ANKRD46: variants seen among roughly 807,000 people sequenced by gnomAD.
ANKRD46 encodes the protein ankyrin repeat domain 46.
In ANKRD46, 13 loss-of-function variants were observed where a neutral mutation model predicts 19.8. The ratio of observed to expected loss-of-function variants is 0.66; its 90% confidence interval spans 0.43 to 1.04. The LOEUF is 1.04. Ranked by LOEUF, ANKRD46 falls within the 50% of genes least tolerant of loss-of-function variation. The pLI is 0.00. For missense variants in ANKRD46, 185 were observed against 274.8 expected, an observed-to-expected ratio of 0.67 and a Z score of 2.31; for synonymous variants, 91 against 106.9, an observed-to-expected ratio of 0.85 and a Z score of 0.92.
rs1812231896 is a variant in ANKRD46, at chr8:100,544,368, TA to T, written c.-130-11058del. On this transcript the variant is annotated intron_variant, in intron 1 of 4. Coordinates refer to ENST00000335659, the MANE Select transcript of ANKRD46 (RefSeq NM_001270377.2). This position sits in a 1 kb window ranked among gnomAD's most constrained non-coding sequence, Gnocchi z 4.4. The stretch of plus-strand genomic sequence containing the variant: ...GGGGCCTAGCAATTGGAGAAAAGAC[TA>T]TAATCAACATCTAGAAAGAAGTGAG... Among the ~76,000 whole-genome samples the T allele has an allele frequency of 6.6e-6, 1 of 152,154 alleles. No homozygotes were observed. Among genetic ancestry groups the T allele is most frequent in the African/African-American group, 2.4e-5 (1 of 41,394 alleles).
chr8:100,553,328 T>G (rs987699964), intron 1 of ANKRD46, among the ~76,000 whole-genome samples: 10 of 152,164 alleles, frequency 6.6e-5, no homozygotes, highest in African/African-American at 2.4e-4. Flanking sequence ...AGATTTAAAT[T>G]AACGTAGCAG....
chr8:100,514,764 C>A (rs927472128), intron 5 of ANKRD46, among the ~76,000 whole-genome samples: 7 of 151,830 alleles, frequency 4.6e-5, no homozygotes, highest in Non-Finnish European at 8.8e-5. Flanking sequence ...CTCAGCCTCC[C>A]AAGTAGCTGG....
chr8:100,511,161 T>C lies in ANKRD46; in HGVS notation c.637-522A>G, dbSNP rs915113311. The stretch of plus-strand genomic sequence containing the variant: ...ATCGCAGCTGATCCCCTGGTTAGCA[T>C]TACTATTCCCATGTAACAGATGAGC... On this transcript the variant is annotated intron_variant, in intron 5 of 5. Transcript: ENST00000520552. This position sits in a 1 kb window ranked among gnomAD's most constrained non-coding sequence, Gnocchi z 4.1. 6.6e-6 allele frequency among the ~76,000 whole-genome samples: 1 copy of C among 152,170 alleles called. No homozygotes were observed. Among genetic ancestry groups the C allele is most frequent in the African/African-American group, 2.4e-5 (1 of 41,436 alleles).
At chr8:100,548,751 T>A (rs1400954552) in intron 1 of ANKRD46, among the ~76,000 whole-genome samples, 1 of 152,198 alleles carries the variant, frequency 6.6e-6, no homozygotes. Flanking sequence ...AGGCATTCAC[T>A]GAAGGTGGAC....
In ANKRD46 at chr8:100,537,049, A is replaced by G. The variant is rs1451373739; in HGVS notation, c.-130-3738T>C. 6.6e-6 allele frequency among the ~76,000 whole-genome samples: 1 copy of G among 152,206 alleles called. No individual in the cohort carries two copies. Among genetic ancestry groups the G allele is most frequent in the African/African-American group, 2.4e-5 (1 of 41,454 alleles). Reference sequence around the variant, plus strand: ...TTTGATGGAAGCTTGTGATTCACTGACTTGATGAAAAGTCATGCCTAATTT... The same window carrying G: ...TTTGATGGAAGCTTGTGATTCACTGGCTTGATGAAAAGTCATGCCTAATTT... On this transcript the variant is annotated intron_variant, in intron 1 of 4. Transcript: ENST00000335659. This position sits in a 1 kb window ranked among gnomAD's most constrained non-coding sequence, Gnocchi z 4.2.
chr8:100,540,449 T>C (rs1391752822), intron 1 of ANKRD46, among the ~76,000 whole-genome samples: 2 of 152,176 alleles, frequency 1.3e-5, no homozygotes. Context: ...CTCATAAAAA[T>C]AAGTTTTTAA....
At chr8:100,516,670 C>A (rs906807483), downstream of ANKRD46, among the ~76,000 whole-genome samples, 1 of 152,222 alleles carries the variant, frequency 6.6e-6, no homozygotes, top group Admixed American at 6.5e-5. Flanking sequence ...TAGCATTAAG[C>A]TTTTCAGCAT....
intron 1 of ANKRD46, among the ~76,000 whole-genome samples, chr8:100,552,309 C>T (rs1402346846): frequency 6.6e-6 from 1 of 151,666 alleles, no homozygotes; most frequent in Admixed American, 6.6e-5. Context: ...CAGCTACAGC[C>T]TCACTCATTA....
rs200008773 is a variant in ANKRD46 at position 100,529,843 on chromosome 8, G to A, written c.-10C>T. 127 of 1,611,698 alleles carry A rather than the reference G, an allele frequency of 7.9e-5. No individual in the cohort carries two copies. Among genetic ancestry groups the A allele is most frequent in the Non-Finnish European group, 1.0e-4 (121 of 1,178,256 alleles). The stretch of plus-strand genomic sequence containing the variant: ...CAAAAACATACGACATTGTTCTGAT[G>A]TGGTGGATGGAACACGCCTGTAATG... On this transcript the variant is annotated 5_prime_UTR_variant, in exon 3 of 5. Coordinates refer to ENST00000335659, the MANE Select transcript of ANKRD46 (RefSeq NM_001270377.2). This position sits in a 1 kb window ranked among gnomAD's most constrained non-coding sequence, Gnocchi z 5.8.
rs551008755 is a variant in ANKRD46 at position 100,522,348 on chromosome 8, T to C, written c.*207A>G. On this transcript the variant is annotated 3_prime_UTR_variant, in exon 5 of 5. Transcript: ENST00000335659. ...CTACAAAGTCAGGTTGAGTCAGAGG[T>C]AGCGTTAGGATGCAATATACTTGAT... 1,257 of 1,381,470 alleles carry C rather than the reference T, an allele frequency of 9.1e-4. 5 individuals are homozygous for C. Among genetic ancestry groups the C allele is most frequent in the Middle Eastern group, 2.7e-3 (10 of 3,670 alleles). The allele number at this position is 1,381,470 out of a possible 1,614,324, so 85.6% of individuals were successfully genotyped here.
At chr8:100,539,098 T>C (rs1812122972) in intron 1 of ANKRD46, among the ~76,000 whole-genome samples, 1 of 152,204 alleles carries the variant, frequency 6.6e-6, no homozygotes, top group South Asian at 2.1e-4. Context: ...GTGACGTCAA[T>C]CTTGATGCAA....
In ANKRD46 at chr8:100,521,662, T is replaced by C; in HGVS notation, c.*893A>G. 1.0e-6 allele frequency: 1 copy of C among 985,426 alleles called. No homozygotes were observed. Among genetic ancestry groups the C allele is most frequent in the Non-Finnish European group, 1.2e-6 (1 of 829,910 alleles). 61.0% of individuals were successfully genotyped at this position (985,426 alleles called of 1,614,324 possible). On this transcript the variant is annotated 3_prime_UTR_variant, in exon 5 of 5. Transcript: ENST00000335659. ...CACATGAAATAATTATGAACTATGA[T>C]AAAACTGTGACAACACAGCTAGCTT...
At position 100,531,812 on chromosome 8, in the gene ANKRD46, A is replaced by C. The variant is rs555233442; in HGVS notation, c.-28+1397T>G. On this transcript the variant is annotated intron_variant, in intron 2 of 4. Coordinates refer to ENST00000335659, the MANE Select transcript of ANKRD46 (RefSeq NM_001270377.2). ...TTTCAATGAGTCCAGCCCACTGAAGAATTTTAAGTCAAAGAAATGGCACAG... is the reference window on the plus strand; with the variant it reads ...TTTCAATGAGTCCAGCCCACTGAAGCATTTTAAGTCAAAGAAATGGCACAG... 4.6e-5 allele frequency among the ~76,000 whole-genome samples: 7 copies of C among 152,176 alleles called. 1 individual carries two copies. Among genetic ancestry groups the C allele is most frequent in the Admixed American group, 2.0e-4 (3 of 15,284 alleles).
Position 100,522,295 on chromosome 8 carries a change from T to A in ANKRD46, c.*260A>T. 1 of 1,269,674 alleles carries A rather than the reference T, an allele frequency of 7.9e-7. No individual in the cohort carries two copies. 78.7% of individuals were successfully genotyped at this position (1,269,674 alleles called of 1,614,324 possible). On this transcript the variant is annotated 3_prime_UTR_variant, in exon 5 of 5. Coordinates refer to ENST00000335659, the MANE Select transcript of ANKRD46 (RefSeq NM_001270377.2). ...CATTCTCTAGTCACTTCCGTGTTTTTATCAAACAAGGCTACGTGTAGGCTT... is the reference window on the plus strand; with the variant it reads ...CATTCTCTAGTCACTTCCGTGTTTTAATCAAACAAGGCTACGTGTAGGCTT...
chr8:100,556,964 C>T (rs953082243), intron 1 of ANKRD46: 1 of 152,138 alleles, frequency 6.6e-6, no homozygotes, highest in African/African-American at 2.4e-5. Flanking sequence ...TTAAATACTA[C>T]CCTTCTGTGC....
At chr8:100,517,579 G>T (rs1218323796), downstream of ANKRD46, among the ~76,000 whole-genome samples, 1 of 152,182 alleles carries the variant, frequency 6.6e-6, no homozygotes, top group African/African-American at 2.4e-5. Context: ...TATGCCTCTG[G>T]CTATGGAGCA....
Position 100,537,589 on chromosome 8 carries a change from T to C in ANKRD46, c.-130-4278A>G, listed in dbSNP as rs888197072. 6.6e-6 allele frequency among the ~76,000 whole-genome samples: 1 copy of C among 152,178 alleles called. No individual in the cohort carries two copies. The highest frequency in any genetic ancestry group is 2.4e-5 in the African/African-American group (1 of 41,436). ...AGAACTATAAAACAAAAATTTCCAA[T>C]GAAGTCATTAAATCCTAACTGCTAG... is the stretch of plus-strand genomic sequence containing the variant. On this transcript the variant is annotated intron_variant, in intron 1 of 4. Coordinates refer to ENST00000335659, the MANE Select transcript of ANKRD46 (RefSeq NM_001270377.2). The surrounding 1 kb of genome is among the most constrained non-coding windows in gnomAD (Gnocchi z 4.2).
In ANKRD46 at chr8:100,510,534, C is replaced by A. The variant is rs929623187; in HGVS notation, c.*43G>T. 1.9e-5 allele frequency: 29 copies of A among 1,518,944 alleles called. No homozygotes were observed. The highest frequency in any genetic ancestry group is 2.5e-5 in the Non-Finnish European group (28 of 1,135,152). The allele number at this position is 1,518,944 out of a possible 1,614,324, so 94.1% of individuals were successfully genotyped here. A position where few individuals can be genotyped will look rare whatever the true frequency, so the allele number is the denominator to read the frequency against. On this transcript the variant is annotated 3_prime_UTR_variant, in exon 6 of 6. Coordinates refer to the ANKRD46 transcript ENST00000520552. This position sits in a 1 kb window ranked among gnomAD's most constrained non-coding sequence, Gnocchi z 4.9. ...ACGCTGACGTCTGTATCCCTTCTTT[C>A]TTGCCTTCTGAGGCTCAGGAGCACA...
intron 5 of ANKRD46, among the ~76,000 whole-genome samples, chr8:100,512,867 T>C (rs1811568804): frequency 6.6e-6 from 1 of 152,212 alleles, no homozygotes; most frequent in Non-Finnish European, 1.5e-5. Flanking sequence ...CGTATACACT[T>C]CCCTGTTCAA....
Sources: gnomAD v4.1 joint callset for allele counts (sites outside exome capture counted in the v4.1 genomes callset) on GRCh38, gnomAD v4.1.1 for gene constraint, Gnocchi (gnomAD v3.1) non-coding constraint, MANE v1.5 for transcripts, NCBI Gene and HGNC (gene_info 2026-07-23, HGNC 2026-07-21) for gene names.